Variants in CD1E observed in about 807,000 individuals in gnomAD.
CD1E encodes CD1e molecule.
In CD1E, 49 loss-of-function variants were observed where a neutral mutation model predicts 40.1. The ratio of observed to expected loss-of-function variants is 1.22; its 90% CI spans 0.97 to 1.55. CD1E has a LOEUF of 1.55. CD1E is among the 40% of genes most tolerant of loss of function. The pLI is 0.00. For synonymous variants in CD1E, 189 were observed against 178.3 expected (o/e 1.06, Z -0.48); for missense variants, 492 against 471.3 (o/e 1.04, Z -0.41).
intron 4 of CD1E, 167 bp downstream of exon 4, chr1:158,356,272 G>T (rs1436725204): frequency 3.4e-6 from 3 of 889,964 alleles, no homozygotes; most frequent in Non-Finnish European, 5.0e-6. Flanking sequence ...TAAGAAAATG[G>T]AAGTAGAGAA....
Position 158,356,872 on chromosome 1 carries a change from G to T in CD1E, c.1143G>T (p.Lys381Asn). 1 of 1,613,996 alleles carries T rather than the reference G, an allele frequency of 6.2e-7. No individual in the cohort carries two copies. The highest frequency in any genetic ancestry group is 8.5e-7 in the Non-Finnish European group (1 of 1,179,984). ...AAAACAGAGTATTGAAGAAGTGGAAGACACGCCTAAACCAACTCTGGTGAC... is the reference window on the plus strand; with the variant it reads ...AAAACAGAGTATTGAAGAAGTGGAATACACGCCTAAACCAACTCTGGTGAC... ...WIKNRVLKKW[K>N]TRLNQLW The change falls in exon 6 of 6, where the codon AAG (lysine) becomes AAT (asparagine). Residue 381 changes from lysine to asparagine, a missense_variant. By Grantham distance (94) the Lys-to-Asn change is moderately conservative (BLOSUM62 0). Transcript: ENST00000368167.
Position 158,356,001 on chromosome 1 carries a change from G to A in CD1E, c.800G>A (p.Trp267Ter), listed in dbSNP as rs1233661552. The change falls in exon 4 of 6, where the codon TGG becomes TAG. Residue 267 changes from tryptophan (W) to a stop codon, truncating the protein, a stop_gained. Transcript: ENST00000368167. LOFTEE classifies it high-confidence loss of function. ...GTCCTGCCTAATGCTGACGAGACATGGTATCTCCGAGCAACCCTGGATGTG... is the reference window on the plus strand; with the variant it reads ...GTCCTGCCTAATGCTGACGAGACATAGTATCTCCGAGCAACCCTGGATGTG... ...GDVLPNADET[W>*]YLRATLDVAA... 1.9e-6 allele frequency: 3 copies of A among 1,614,104 alleles called. No homozygotes were observed. The highest frequency in any genetic ancestry group is 4.5e-5 in the East Asian group (2 of 44,860).
intron 2 of CD1E, among the ~76,000 whole-genome samples, chr1:158,355,024 TG>T (rs1328124888): frequency 2.0e-5 from 3 of 152,208 alleles, no homozygotes; most frequent in Non-Finnish European, 2.9e-5. Context: ...TGGACTGGCC[TG>T]TACCTAACCA....
chr1:158,356,153 G>T, intron 4 of CD1E, 48 bp downstream of exon 4: 1 of 1,602,082 alleles, frequency 6.2e-7, no homozygotes, highest in Non-Finnish European at 8.5e-7. Flanking sequence ...AATAGCCCTG[G>T]GGCTTTTGAG....
chr1:158,356,084 C>A lies in CD1E; in HGVS notation c.883C>A (p.His295Asn). The A allele has an allele frequency of 1.2e-6, 2 of 1,613,732 alleles. No individual in the cohort carries two copies. Among genetic ancestry groups the A allele is most frequent in the Non-Finnish European group, 8.5e-7 (1 of 1,179,804 alleles). ...CRVKHSSLGG[H>N]DLIIHWGGYS... ...GGTGAAACACAGCAGTCTAGGGGGC[C>A]ATGATCTAATCATCCATTGGGGTGA... The change falls in exon 4 of 6, where the codon CAT (histidine) becomes AAT (asparagine). Residue 295 changes from histidine (H) to asparagine (N), a missense_variant. Coordinates refer to ENST00000368167, the MANE Select transcript of CD1E (RefSeq NM_030893.4).
rs377047065 is a variant in CD1E at position 158,355,846 on chromosome 1, G to C, written c.645G>C (p.Leu215=). ...TCCTAGTGAAGCCAGAGGCCTGGCT[G>C]TCCTGTGGCCCCAGTCCTGGCCCTG... is the stretch of plus-strand genomic sequence containing the variant. ...LKRKVKPEAW[L]SCGPSPGPGR... The change falls in exon 4 of 6, where the codon CTG becomes CTC. Residue 215 remains leucine, a synonymous_variant. Coordinates refer to ENST00000368167, the MANE Select transcript of CD1E (RefSeq NM_030893.4). 6 of 1,613,586 alleles carry C rather than the reference G, an allele frequency of 3.7e-6. No individual in the cohort carries two copies. Among genetic ancestry groups the C allele is most frequent in the Non-Finnish European group, 5.1e-6 (6 of 1,179,688 alleles).
At chr1:158,355,592 C>T in intron 3 of CD1E, 23 bp downstream of exon 3, 4 of 1,607,312 alleles carry the variant, frequency 2.5e-6, no homozygotes, top group East Asian at 2.2e-5. Context: ...CTCTCTCTCC[C>T]CTCTTGTTCC....
In CD1E at chr1:158,355,875, G is replaced by T; in HGVS notation, c.674G>T (p.Arg225Leu). 4.3e-6 allele frequency: 7 copies of T among 1,614,082 alleles called. No individual in the cohort carries two copies. The highest frequency in any genetic ancestry group is 1.1e-5 in the South Asian group (1 of 91,074). ...LSCGPSPGPG[R>L]LQLVCHVSGF... The stretch of plus-strand genomic sequence containing the variant: ...TGTGGCCCCAGTCCTGGCCCTGGCC[G>T]TCTGCAGCTTGTGTGCCATGTCTCA... Residue 225 changes from arginine (R) to leucine (L), a missense_variant, in exon 4 of 6, where the codon CGT (arginine) becomes CTT (leucine). Coordinates refer to ENST00000368167, the MANE Select transcript of CD1E (RefSeq NM_030893.4).
chr1:158,354,139 T>C (rs892733290), intron 1 of CD1E, 93 bp downstream of exon 1: 3 of 1,100,222 alleles, frequency 2.7e-6, no homozygotes, highest in Non-Finnish European at 4.1e-6. Context: ...GGAGCAGTAC[T>C]CTTCTAGGAT....
Position 158,356,903 on chromosome 1 carries a change from C to T in CD1E, c.*7C>T, listed in dbSNP as rs747266338. ...CCTAAACCAACTCTGGTGACATTTG[C>T]TTTACCTTATACATAAAATCCTTGT... is the stretch of plus-strand genomic sequence containing the variant. On this transcript the variant is annotated 3_prime_UTR_variant, in exon 6 of 6. Transcript: ENST00000368167. 1.9e-6 allele frequency: 3 copies of T among 1,612,368 alleles called. No homozygotes were observed. The highest frequency in any genetic ancestry group is 2.5e-6 in the Non-Finnish European group (3 of 1,178,544).
At chr1:158,354,333 C>T (rs1653339261) in intron 1 of CD1E, 44 bp from the exon 2 acceptor site, 2 of 1,523,600 alleles carry the variant, frequency 1.3e-6, no homozygotes, top group African/African-American at 1.4e-5. Context: ...TCACTTTTCC[C>T]ATCCCTTTAC....
rs968848309 is a variant in CD1E, at chr1:158,355,393, T to G, written c.449T>G (p.Phe150Cys). 1.2e-6 allele frequency: 2 copies of G among 1,614,158 alleles called. No individual in the cohort carries two copies. The highest frequency in any genetic ancestry group is 1.1e-5 in the South Asian group (1 of 91,084). ...TATCAAGGGTCAGATTTCCTGAGTT[T>G]CCAAGGAATTTCCTGGGAGCCATCT... ...MAYQGSDFLS[F>C]QGISWEPSPG... The change falls in exon 3 of 6, where the codon TTC becomes TGC. Residue 150 changes from phenylalanine (F) to cysteine (C), a missense_variant. Phe to Cys is a radical substitution (Grantham distance 205, BLOSUM62 -2). Coordinates refer to ENST00000368167, the MANE Select transcript of CD1E (RefSeq NM_030893.4).
chr1:158,354,203 G>A, intron 1 of CD1E, 157 bp downstream of exon 1: 1 of 915,156 alleles, frequency 1.1e-6, no homozygotes, highest in Non-Finnish European at 1.7e-6. Context: ...CTTGCTCTCA[G>A]TCTCAGTTTT....
At position 158,356,835 on chromosome 1, in the gene CD1E, T is replaced by C. The variant is rs1167611548; in HGVS notation, c.1106T>C (p.Val369Ala). 2 of 1,614,040 alleles carry C rather than the reference T, an allele frequency of 1.2e-6. No individual in the cohort carries two copies. The change falls in exon 6 of 6, where the codon GTA becomes GCA. Residue 369 changes from valine to alanine, a missense_variant. Coordinates refer to ENST00000368167, the MANE Select transcript of CD1E (RefSeq NM_030893.4). ...AGACATCAGTTCTGCTTGGCACAAG[T>C]ATCGTGGATCAAAAACAGAGTATTG... ...NSRHQFCLAQ[V>A]SWIKNRVLKK...
At chr1:158,354,306 C>CT (rs1653334948) in intron 1 of CD1E, 71 bp from the exon 2 acceptor site, 5 of 1,449,964 alleles carry the variant, frequency 3.4e-6, no homozygotes, top group Non-Finnish European at 4.7e-6. Context: ...CTCTGGGTTC[C>CT]TTTTTTCCCT....
chr1:158,354,745 T>C, intron 2 of CD1E, 72 bp downstream of exon 2: 1 of 1,323,228 alleles, frequency 7.6e-7, no homozygotes, highest in Middle Eastern at 1.9e-4. Context: ...AGATAGTATA[T>C]AGACTCTGAC....
Position 158,355,344 on chromosome 1 carries a change from C to G in CD1E, c.400C>G (p.Pro134Ala). The G allele has an allele frequency of 6.2e-7, 1 of 1,614,000 alleles. No individual in the cohort carries two copies. The highest frequency in any genetic ancestry group is 8.5e-7 in the Non-Finnish European group (1 of 1,179,910). The change falls in exon 3 of 6, where the codon CCA becomes GCA. Residue 134 changes from proline (P) to alanine (A), a missense_variant. By Grantham distance (27) the Pro-to-Ala change is conservative (BLOSUM62 -1). Coordinates refer to ENST00000368167, the MANE Select transcript of CD1E (RefSeq NM_030893.4). The stretch of plus-strand genomic sequence containing the variant: ...ATTAGCTGGCTGTAGAATGAATGCC[C>G]CACAAATCTTCTTAAATATGGCATA... ...QILAGCRMNA[P>A]QIFLNMAYQG...
chr1:158,354,595 T>G lies in CD1E; in HGVS notation c.277T>G (p.Leu93Val). Residue 93 changes from leucine to valine, a missense_variant, in exon 2 of 6, where the codon TTA becomes GTA. Physicochemically the swap from Leu to Val is conservative, Grantham distance 32 (BLOSUM62 1). Coordinates refer to ENST00000368167, the MANE Select transcript of CD1E (RefSeq NM_030893.4). ...GNFSKQELKN[L>V]QSLFQLYFHS... The stretch of plus-strand genomic sequence containing the variant: ...CTTCAGCAAGCAGGAGCTGAAAAAC[T>G]TACAGTCACTGTTCCAGTTATACTT... 6.2e-7 allele frequency: 1 copy of G among 1,614,116 alleles called. No individual in the cohort carries two copies. The highest frequency in any genetic ancestry group is 1.7e-5 in the Admixed American group (1 of 60,020).
In CD1E at chr1:158,354,525, T is replaced by A. The variant is rs762301359; in HGVS notation, c.207T>A (p.Thr69=). ...ACCTGCAGACTCATGGCTGGGACAC[T>A]GTCTTGGGCACCATCCGCTTTCTGA... ...LGDLQTHGWD[T]VLGTIRFLKP... is the part of the protein sequence containing the mutation. Residue 69 remains threonine (T), a synonymous_variant, in exon 2 of 6, where the codon ACT becomes ACA. Coordinates refer to ENST00000368167, the MANE Select transcript of CD1E (RefSeq NM_030893.4). 3.1e-6 allele frequency: 5 copies of A among 1,614,154 alleles called. No homozygotes were observed. The highest frequency in any genetic ancestry group is 3.4e-6 in the Non-Finnish European group (4 of 1,180,036).
Sources: allele counts gnomAD v4.1 joint callset (sites outside exome capture counted in the v4.1 genomes callset), GRCh38; gene constraint gnomAD v4.1.1; transcripts MANE v1.5; gene names NCBI Gene and HGNC (gene_info 2026-07-23, HGNC 2026-07-21).